The following CBX7 variants were observed in gnomAD, a reference collection of about 807,000 sequenced individuals.
The protein encoded by CBX7 is chromobox protein homolog 7.
Under a neutral mutation model 31.4 loss-of-function variants are expected in CBX7, and 14 were observed. That is an observed-to-expected ratio of 0.45 (90% CI 0.29 to 0.70). The LOEUF is 0.70. Among genes scored for constraint, CBX7 ranks in the 30% least tolerant of loss-of-function variants. CBX7 has a pLI of 0.11. For missense variants in CBX7, 269 were observed against 351.9 expected, an observed-to-expected ratio of 0.76 and a Z score of 1.89; for synonymous variants, 159 against 152.6, an observed-to-expected ratio of 1.04 and a Z score of -0.31.
At position 39,133,913 on chromosome 22, in the gene CBX7, C is replaced by T. The variant is rs768710985; in HGVS notation, c.734G>A (p.Arg245Gln). The T allele has an allele frequency of 1.9e-6, 3 of 1,612,344 alleles. No homozygotes were observed. The highest frequency in any genetic ancestry group is 1.1e-5 in the South Asian group (1 of 90,946). ...REAQAAEGFF[R>Q]DRSGKF Reference sequence around the variant, plus strand: ...GATTCAGAACTTCCCACTGCGGTCTCGGAAGAAGCCCTCAGCTGCCTGGGC... The same window carrying T: ...GATTCAGAACTTCCCACTGCGGTCTTGGAAGAAGCCCTCAGCTGCCTGGGC... Residue 245 changes from arginine to glutamine, a missense_variant, in exon 6 of 6, where the codon CGA (arginine) becomes CAA (glutamine). Coordinates refer to ENST00000216133, the MANE Select transcript of CBX7 (RefSeq NM_175709.5).
intron 4 of CBX7, chr22:39,135,009 T>G: frequency 2.2e-6 from 1 of 451,106 alleles, no homozygotes; most frequent in Non-Finnish European, 3.9e-6. Context: ...ACTCCTTTGA[T>G]ACCCAGCAGA....
intron 1 of CBX7, 149 bp from the exon 2 acceptor site, chr22:39,149,981 C>A: frequency 1.4e-6 from 1 of 698,410 alleles, no homozygotes. Context: ...GGGGACTGTC[C>A]ACCAGATCCT....
intron 3 of CBX7, chr22:39,141,166 C>T (rs961460563): frequency 1.3e-5 from 7 of 533,178 alleles, no homozygotes; most frequent in Non-Finnish European, 2.0e-5. Flanking sequence ...TGACCGAGAT[C>T]ACCCAACAAC....
intron 5 of CBX7, 127 bp from the exon 6 acceptor site, chr22:39,134,175 G>T: frequency 1.9e-6 from 2 of 1,060,782 alleles, no homozygotes; most frequent in Non-Finnish European, 2.7e-6. Flanking sequence ...CTCACACAGG[G>T]CTGGACACTT....
chr22:39,148,950 AG>A, intron 2 of CBX7: 1 of 152,372 alleles, frequency 6.6e-6, no homozygotes. Flanking sequence ...CTCTGGGCAG[AG>A]GGGGTTTCCA....
At chr22:39,140,308 G>C (rs1930408630) in intron 3 of CBX7, among the ~76,000 whole-genome samples, 1 of 152,160 alleles carries the variant, frequency 6.6e-6, no homozygotes, top group African/African-American at 2.4e-5. Flanking sequence ...TTTGATACCT[G>C]TCCACTGCTC....
At chr22:39,141,299 G>C in intron 3 of CBX7, 72 bp downstream of exon 3, 1 of 1,381,312 alleles carries the variant, frequency 7.2e-7, no homozygotes, top group South Asian at 1.2e-5. Flanking sequence ...CCCCTGCCAA[G>C]CCAGCAGCAG....
chr22:39,141,014 T>A (rs911910621), intron 3 of CBX7: 4 of 253,576 alleles, frequency 1.6e-5, no homozygotes, highest in Non-Finnish European at 3.1e-5. Context: ...ACACAGGGCA[T>A]CTTTGTGAAG....
rs763061260 is a variant in CBX7, at chr22:39,133,931, G to C, written c.716C>G (p.Ala239Gly). ...SITVTFREAQ[A>G]AEGFFRDRSG... ...GCGGTCTCGGAAGAAGCCCTCAGCT[G>C]CCTGGGCCTCGCGGAAGGTGACGGT... The change falls in exon 6 of 6, where the codon GCA (alanine) becomes GGA (glycine). Residue 239 changes from alanine (A) to glycine (G), a missense_variant. Physicochemically the swap from Ala to Gly is moderately conservative, Grantham distance 60. Around this residue, in one of 2 missense-constraint regions of CBX7, gnomAD observed 222 missense variants for 240.4 expected, o/e 0.92. Transcript: ENST00000216133. 1 of 1,613,696 alleles carries C rather than the reference G, an allele frequency of 6.2e-7. No homozygotes were observed. Among genetic ancestry groups the C allele is most frequent in the Admixed American group, 1.7e-5 (1 of 59,986 alleles).
chr22:39,138,831 A>G, intron 3 of CBX7, 129 bp from the exon 4 acceptor site: 1 of 796,898 alleles, frequency 1.3e-6, no homozygotes, highest in Non-Finnish European at 2.1e-6. Context: ...CTGCCCACCA[A>G]TCCTCCCCAT....
Position 39,138,715 on chromosome 22 carries a change from G to A in CBX7, c.180-13C>T, listed in dbSNP as rs769421102. 30 of 1,613,676 alleles carry A rather than the reference G, an allele frequency of 1.9e-5. No homozygotes were observed. The highest frequency in any genetic ancestry group is 2.5e-5 in the Non-Finnish European group (30 of 1,179,572). On this transcript the variant is annotated splice_polypyrimidine_tract_variant and intron_variant, in intron 3 of 5. Coordinates refer to ENST00000216133, the MANE Select transcript of CBX7 (RefSeq NM_175709.5). ...GTCTCTCTCCTCCCTGGGGTGTGAA[G>A]CAGGTGGCAGAAGAAAAGGAAACAC...
At position 39,134,250 on chromosome 22, in the gene CBX7, G is replaced by A. The variant is rs2146349906; in HGVS notation, c.598+151C>T. On this transcript the variant is annotated intron_variant, in intron 5 of 5. Transcript: ENST00000216133. ...GAGCTCAGCCAGAGCGGGACGACAG[G>A]AGGAGCCCTGGGCTAGTGTTGGGCC... The A allele has an allele frequency of 4.7e-6, 4 of 856,286 alleles. No homozygotes were observed. In the South Asian group the frequency reaches 7.2e-5, roughly 15 times the overall value. 53.0% of individuals were successfully genotyped at this position (856,286 alleles called of 1,614,324 possible).
At chr22:39,144,198 T>C (rs1355510161) in intron 2 of CBX7, among the ~76,000 whole-genome samples, 1 of 152,222 alleles carries the variant, frequency 6.6e-6, no homozygotes. Flanking sequence ...TCTAACACTC[T>C]GGCACACCCA....
intron 3 of CBX7, 115 bp downstream of exon 3, chr22:39,141,256 G>T: frequency 2.5e-6 from 2 of 807,914 alleles, no homozygotes; most frequent in Non-Finnish European, 4.0e-6. Flanking sequence ...GGGCTGGCCT[G>T]CCCCATCGGA....
chr22:39,151,024 C>T (rs1930830895), intron 1 of CBX7, among the ~76,000 whole-genome samples: 1 of 152,170 alleles, frequency 6.6e-6, no homozygotes. Context: ...GGGTGGATCC[C>T]TGGGGCTTAG....
intron 2 of CBX7, among the ~76,000 whole-genome samples, chr22:39,142,947 G>T (rs1159257935): frequency 7.0e-6 from 1 of 143,834 alleles, no homozygotes; most frequent in Non-Finnish European, 1.5e-5. Flanking sequence ...AAGCTTTAAG[G>T]CCAGTGTCTT....
At chr22:39,145,213 A>G (rs1482369443) in intron 2 of CBX7, among the ~76,000 whole-genome samples, 1 of 152,140 alleles carries the variant, frequency 6.6e-6, no homozygotes, top group East Asian at 1.9e-4. Context: ...TGCAGCCCCA[A>G]GTGGGGGGCA....
At chr22:39,146,082 C>T (rs1930652227) in intron 2 of CBX7, among the ~76,000 whole-genome samples, 2 of 152,226 alleles carry the variant, frequency 1.3e-5, no homozygotes, top group South Asian at 2.1e-4. Context: ...AGACACAGCA[C>T]GGGCTCTGGT....
rs1354400825 is a variant in CBX7, at chr22:39,152,461, G to C, written c.-17C>G. The C allele has an allele frequency of 3.5e-6, 4 of 1,141,948 alleles. No individual in the cohort carries two copies. Among genetic ancestry groups the C allele is most frequent in the Non-Finnish European group, 4.3e-6 (4 of 925,454 alleles). The allele number at this position is 1,141,948 out of a possible 1,614,324, so 70.7% of individuals were successfully genotyped here. The stretch of plus-strand genomic sequence containing the variant: ...CAGCTCCATGCGGGGCGGCGGGCGA[G>C]CGGGCCCGGGGCCGGGCCGGGCCGG... On this transcript the variant is annotated 5_prime_UTR_variant, in exon 1 of 6. Transcript: ENST00000216133. The surrounding 1 kb of genome is among the most constrained non-coding windows in gnomAD (Gnocchi z 4.9).
Sources: allele counts gnomAD v4.1 joint callset (sites outside exome capture counted in the v4.1 genomes callset), GRCh38; gene constraint gnomAD v4.1.1; regional missense constraint gnomAD v4.1.1; non-coding constraint Gnocchi (gnomAD v3.1); transcripts MANE v1.5; gene names NCBI Gene and HGNC (gene_info 2026-07-23, HGNC 2026-07-21).